The following TRDN variants were observed in gnomAD, a reference collection of about 807,000 sequenced individuals.
The protein encoded by TRDN is triadin in skeletal muscle.
In TRDN, 161 loss-of-function variants were observed where a neutral mutation model predicts 149.7. The ratio of observed to expected loss-of-function variants is 1.08; its 90% CI spans 0.95 to 1.23. TRDN has a LOEUF of 1.23. TRDN is among the 50% of genes most tolerant of loss of function. TRDN has a pLI of 0.00. For missense variants in TRDN, 896 were observed against 823.5 expected (o/e 1.09, Z -1.08); for synonymous variants, 294 against 250.5 (o/e 1.17, Z -1.64).
At chr6:123,245,533 A>G (rs1199420500) in intron 38 of TRDN, among the ~76,000 whole-genome samples, 1 of 152,180 alleles carries the variant, frequency 6.6e-6, no homozygotes, top group Non-Finnish European at 1.5e-5. Flanking sequence ...TCAATGCAAC[A>G]AGAAGTGCTA....
intron 1 of TRDN, among the ~76,000 whole-genome samples, chr6:123,600,434 G>A (rs887256367): frequency 6.6e-6 from 1 of 151,332 alleles, no homozygotes; most frequent in Non-Finnish European, 1.5e-5. Context: ...ACCCGGGTTG[G>A]GTGTGTAAAG....
At chr6:123,478,646 A>G (rs79819104) in intron 9 of TRDN, among the ~76,000 whole-genome samples, 2,978 of 152,246 alleles carry the variant, frequency 0.02, 90 homozygotes, top group African/African-American at 0.067. Flanking sequence ...GATGGATTAA[A>G]TTCTCAAATA....
intron 24 of TRDN, among the ~76,000 whole-genome samples, chr6:123,291,583 G>A (rs1778014856): frequency 6.6e-6 from 1 of 152,028 alleles, no homozygotes; most frequent in African/African-American, 2.4e-5. Context: ...GAAAGAGGTA[G>A]TATAGGACAA....
At chr6:123,396,802 A>G (rs995425564) in intron 12 of TRDN, among the ~76,000 whole-genome samples, 3 of 152,210 alleles carry the variant, frequency 2.0e-5, no homozygotes, top group Non-Finnish European at 2.9e-5. Context: ...AGAGATTTAA[A>G]TATTAGTTTA....
chr6:123,436,128 A>G (rs543930949), intron 12 of TRDN, among the ~76,000 whole-genome samples: 33 of 152,018 alleles, frequency 2.2e-4, no homozygotes, highest in African/African-American at 7.5e-4. Context: ...TTCTTCTGCA[A>G]CTCTTTTAGT....
intron 4 of TRDN, among the ~76,000 whole-genome samples, chr6:123,539,205 C>T (rs925500169): frequency 1.3e-5 from 2 of 152,188 alleles, no homozygotes; most frequent in Non-Finnish European, 2.9e-5. Flanking sequence ...AGTGAAACTA[C>T]TGTCTTGATC....
intron 23 of TRDN, among the ~76,000 whole-genome samples, chr6:123,322,658 T>A (rs1360902870): frequency 7.7e-6 from 1 of 130,436 alleles, no homozygotes; most frequent in East Asian, 2.3e-4. Flanking sequence ...TATTATTATT[T>A]TTGAGACGGA....
At chr6:123,502,720 T>G (rs2114829541) in intron 8 of TRDN, 1 of 984,096 alleles carries the variant, frequency 1.0e-6, no homozygotes, top group East Asian at 1.1e-4. Flanking sequence ...AACTAAAATC[T>G]AATAGAAACC....
Position 123,238,890 on chromosome 6 carries a change from G to A in TRDN, c.1975+13522C>T, listed in dbSNP as rs1775885090. ...GGAGTCTCACTCTTTGGCCAGGCTG[G>A]AGTGCAGTGGCACAATCTCTGCTCA... On this transcript the variant is annotated intron_variant, in intron 38 of 40. Transcript: ENST00000334268. Among the ~76,000 whole-genome samples the A allele has an allele frequency of 2.0e-5, 3 of 152,240 alleles. No homozygotes were observed. The South Asian group carries it at 6.2e-4, about 32-fold the overall frequency.
chr6:123,554,824 G>T (rs529992323), intron 2 of TRDN, among the ~76,000 whole-genome samples: 11 of 152,104 alleles, frequency 7.2e-5, no homozygotes, highest in Non-Finnish European at 1.6e-4. Flanking sequence ...AAGTCAATAG[G>T]TTTCTTAGAC....
chr6:123,558,074 G>T (rs1360959658), intron 2 of TRDN, among the ~76,000 whole-genome samples: 1 of 152,050 alleles, frequency 6.6e-6, no homozygotes, highest in African/African-American at 2.4e-5. Flanking sequence ...AAAAATTCTT[G>T]TCCTAAAATG....
At chr6:123,622,318 GACACAC>G (rs67160946) in intron 1 of TRDN, among the ~76,000 whole-genome samples, 121 of 123,712 alleles carry the variant, frequency 9.8e-4, no homozygotes, top group African/African-American at 3.2e-3. Flanking sequence ...TATATATACA[GACACAC>G]ACACACACAC....
intron 10 of TRDN, among the ~76,000 whole-genome samples, chr6:123,458,029 T>C (rs931963261): frequency 1.3e-5 from 2 of 152,200 alleles, no homozygotes; most frequent in Non-Finnish European, 2.9e-5. Context: ...TTACAGTTGA[T>C]CCTTTAGTTC....
chr6:123,319,366 G>T (rs1459127066), intron 23 of TRDN, among the ~76,000 whole-genome samples: 1 of 151,870 alleles, frequency 6.6e-6, no homozygotes, highest in Non-Finnish European at 1.5e-5. Flanking sequence ...CACTCATTTT[G>T]TAGATGATAT....
chr6:123,420,936 A>G (rs956571937), intron 12 of TRDN, among the ~76,000 whole-genome samples: 2 of 152,242 alleles, frequency 1.3e-5, no homozygotes, highest in African/African-American at 4.8e-5. Context: ...CAGCCAACTG[A>G]AGTGCTCATA....
intron 12 of TRDN, among the ~76,000 whole-genome samples, chr6:123,396,165 A>G (rs1772722855): frequency 6.6e-6 from 1 of 152,208 alleles, no homozygotes. Context: ...GTACTACTGA[A>G]AACACATTAA....
At chr6:123,376,789 T>C (rs377526709) in intron 18 of TRDN, among the ~76,000 whole-genome samples, 3 of 152,042 alleles carry the variant, frequency 2.0e-5, no homozygotes, top group African/African-American at 7.2e-5. Context: ...CTTTGCGTGG[T>C]TTTTTAAATA....
chr6:123,517,915 A>G (rs1779490232), intron 5 of TRDN, among the ~76,000 whole-genome samples: 1 of 152,138 alleles, frequency 6.6e-6, no homozygotes, highest in Non-Finnish European at 1.5e-5. Context: ...CAGTAAATGA[A>G]ATCCTTAGGG....
Position 123,482,520 on chromosome 6 carries a change from G to A in TRDN, c.853+14673C>T, listed in dbSNP as rs1007131434. Reference sequence around the variant, plus strand: ...TAAAACAGTACACACTGCTTATCCAGTGTCTGCCAAGAGGCTATTTATAAT... The same window carrying A: ...TAAAACAGTACACACTGCTTATCCAATGTCTGCCAAGAGGCTATTTATAAT... On this transcript the variant is annotated intron_variant, in intron 9 of 40. Transcript: ENST00000334268. Among the ~76,000 whole-genome samples the A allele has an allele frequency of 2.6e-5, 4 of 152,148 alleles. 1 individual carries two copies. The highest frequency in any genetic ancestry group is 2.6e-4 in the Admixed American group (4 of 15,280).
Sources: allele counts gnomAD v4.1 joint callset (sites outside exome capture counted in the v4.1 genomes callset), GRCh38; gene constraint gnomAD v4.1.1; transcripts MANE v1.5; gene names NCBI Gene and HGNC (gene_info 2026-07-23, HGNC 2026-07-21).